PDPN: variants seen among roughly 807,000 people sequenced by gnomAD.
The protein encoded by PDPN is podoplanin, also known as PA2.26 antigen.
A neutral mutation model predicts 23.2 loss-of-function variants in PDPN; 12 were observed. That is an observed-to-expected ratio of 0.52 (90% CI 0.33 to 0.84). The LOEUF (loss-of-function observed/expected upper bound fraction) is 0.84. Ranked by LOEUF, PDPN falls within the 40% of genes least tolerant of loss-of-function variation. PDPN has a pLI of 0.02. For synonymous variants in PDPN, 77 were observed against 76.7 expected (o/e 1.00, Z -0.02); for missense variants, 199 against 212.2 (o/e 0.94, Z 0.39).
At chr1:13,584,213 C>A in intron 1 of PDPN, 113 bp downstream of exon 1, 1 of 1,519,262 alleles carries the variant, frequency 6.6e-7, no homozygotes, top group Non-Finnish European at 8.9e-7. Context: ...CGCGGGGGAG[C>A]TGAGGGTGTG....
chr1:13,584,163 T>A, intron 1 of PDPN, 63 bp downstream of exon 1: 1 of 1,579,972 alleles, frequency 6.3e-7, no homozygotes, highest in Non-Finnish European at 8.6e-7. Context: ...AGAGACTTGC[T>A]GGAATGCCCG....
At chr1:13,598,589 C>G (rs540993215) in intron 1 of PDPN, among the ~76,000 whole-genome samples, 1 of 152,260 alleles carries the variant, frequency 6.6e-6, no homozygotes, top group South Asian at 2.1e-4. Flanking sequence ...CTCCTGGCTT[C>G]CCTTCACACG....
Position 13,617,634 on chromosome 1 carries a change from G to C in PDPN, c.*1723G>C, listed in dbSNP as rs558666499. On this transcript the variant is annotated 3_prime_UTR_variant, in exon 6 of 6. Coordinates refer to ENST00000621990, the MANE Select transcript of PDPN (RefSeq NM_006474.5). ...GATCTGCCCGCCTCGGCCTCCCAAA[G>C]TGCTGGGATTACAGGCGTGTGCCAC... The C allele has an allele frequency of 2.0e-5, 3 of 152,420 alleles. No individual in the cohort carries two copies. Among genetic ancestry groups the C allele is most frequent in the Admixed American group, 6.5e-5 (1 of 15,294 alleles). The allele number at this position is 152,420 out of a possible 1,614,324, so 9.4% of individuals were successfully genotyped here.
chr1:13,585,378 C>T, intron 1 of PDPN: 2 of 649,306 alleles, frequency 3.1e-6, no homozygotes, highest in South Asian at 1.9e-5. Flanking sequence ...TTATAGGGGC[C>T]GTGGGTTATT....
intron 1 of PDPN, among the ~76,000 whole-genome samples, chr1:13,603,719 G>T (rs535181048): frequency 1.3e-5 from 2 of 151,886 alleles, no homozygotes; most frequent in South Asian, 4.2e-4. Flanking sequence ...CTCCCGAGTA[G>T]TTGGGGTTAC....
chr1:13,615,465 T>A (rs1157057557), intron 5 of PDPN, among the ~76,000 whole-genome samples: 1 of 151,988 alleles, frequency 6.6e-6, no homozygotes, highest in Admixed American at 6.6e-5. Context: ...TTTTGTATTT[T>A]TTAGTAGAGA....
At chr1:13,614,752 A>C (rs1313745976) in intron 5 of PDPN, 2 of 473,064 alleles carry the variant, frequency 4.2e-6, no homozygotes, top group Non-Finnish European at 4.2e-6. Context: ...GTGCCACTGC[A>C]CTCCAGCCTG....
intron 1 of PDPN, among the ~76,000 whole-genome samples, chr1:13,599,418 C>T (rs1162285517): frequency 1.7e-5 from 2 of 119,388 alleles, no homozygotes; most frequent in Non-Finnish European, 1.6e-5. Flanking sequence ...CAGAGCCTTG[C>T]TCTGTCACCC....
At chr1:13,590,322 A>G (rs1640306525) in intron 1 of PDPN, among the ~76,000 whole-genome samples, 1 of 152,212 alleles carries the variant, frequency 6.6e-6, no homozygotes, top group African/African-American at 2.4e-5. Context: ...TGTAGCTTGC[A>G]AAGAGAGGCA....
At chr1:13,588,572 A>G (rs1640242621) in intron 1 of PDPN, among the ~76,000 whole-genome samples, 1 of 147,864 alleles carries the variant, frequency 6.8e-6, no homozygotes, top group Non-Finnish European at 1.5e-5. Context: ...TATTTTTATT[A>G]TATATAATAT....
chr1:13,604,122 G>T (rs1557545722), intron 1 of PDPN, among the ~76,000 whole-genome samples: 1 of 152,182 alleles, frequency 6.6e-6, no homozygotes, highest in Admixed American at 6.5e-5. Context: ...AAACAATTGT[G>T]TGTCTGCACA....
intron 1 of PDPN, among the ~76,000 whole-genome samples, chr1:13,606,885 CT>C (rs1640801930): frequency 6.6e-6 from 1 of 152,134 alleles, no homozygotes; most frequent in Admixed American, 6.5e-5. Flanking sequence ...TGTACGTCCC[CT>C]GTCCAGGCCA....
At chr1:13,588,147 A>C (rs1237806800) in intron 1 of PDPN, among the ~76,000 whole-genome samples, 1 of 151,912 alleles carries the variant, frequency 6.6e-6, no homozygotes, top group Non-Finnish European at 1.5e-5. Context: ...ATACACACAC[A>C]CACACACCCC....
intron 1 of PDPN, among the ~76,000 whole-genome samples, chr1:13,595,570 A>G (rs1640472958): frequency 6.6e-6 from 1 of 152,228 alleles, no homozygotes; most frequent in Non-Finnish European, 1.5e-5. Flanking sequence ...ATTTCTCCAG[A>G]GGAACTAGTG....
chr1:13,598,426 C>G (rs1335516041), intron 1 of PDPN, among the ~76,000 whole-genome samples: 1 of 152,120 alleles, frequency 6.6e-6, no homozygotes, highest in African/African-American at 2.4e-5. Flanking sequence ...AGCACCAACC[C>G]CTCTCCACTG....
At chr1:13,615,844 CGGAGT>C (rs1221518160) in intron 5 of PDPN, 56 bp from the exon 6 acceptor site, 37 of 1,474,324 alleles carry the variant, frequency 2.5e-5, no homozygotes, top group Non-Finnish European at 3.5e-5. Context: ...AAAGGACTCA[CGGAGT>C]TACTATTCAC....
At chr1:13,613,082 G>C (rs980082285) in intron 3 of PDPN, among the ~76,000 whole-genome samples, 4 of 152,162 alleles carry the variant, frequency 2.6e-5, no homozygotes, top group African/African-American at 9.7e-5. Flanking sequence ...GACTGGGTTT[G>C]ACTGCAGATA....
At chr1:13,608,476 C>T (rs1640849675) in intron 2 of PDPN, among the ~76,000 whole-genome samples, 1 of 152,224 alleles carries the variant, frequency 6.6e-6, no homozygotes, top group African/African-American at 2.4e-5. Flanking sequence ...CCTTTGAACA[C>T]ACTAAGCTTG....
chr1:13,590,725 A>T (rs1640319360), intron 1 of PDPN, among the ~76,000 whole-genome samples: 1 of 151,982 alleles, frequency 6.6e-6, no homozygotes, highest in Admixed American at 6.6e-5. Context: ...GTCCGTGCTG[A>T]GTGGAAGAGG....
Sources: gnomAD v4.1 joint callset for allele counts (sites outside exome capture counted in the v4.1 genomes callset) on GRCh38, gnomAD v4.1.1 for gene constraint, MANE v1.5 for transcripts, NCBI Gene and HGNC (gene_info 2026-07-23, HGNC 2026-07-21) for gene names.